The following YARS1 variants were observed in gnomAD, a reference collection of about 807,000 sequenced individuals.
YARS1 encodes the protein tyrosyl-tRNA synthetase 1, also known as tyrosine--tRNA ligase, cytoplasmic.
Under a neutral mutation model 62.2 loss-of-function variants are expected in YARS1, and 36 were observed. The observed-to-expected ratio is 0.58, with a 90% CI of 0.44 to 0.76. The LOEUF is 0.76. Ranked by LOEUF, YARS1 falls within the 30% of genes least tolerant of loss-of-function variation. The pLI, the probability that YARS1 is intolerant of heterozygous loss-of-function variation, is 0.00. For synonymous variants in YARS1, 234 were observed against 244.9 expected (o/e 0.96, Z 0.42); for missense variants, 524 against 639.8 (o/e 0.82, Z 1.95).
chr1:32,804,166 A>T (rs1224526536), intron 4 of YARS1, among the ~76,000 whole-genome samples: 1 of 152,214 alleles, frequency 6.6e-6, no homozygotes, highest in Admixed American at 6.5e-5. Flanking sequence ...TAACAATCTG[A>T]TCTCTCTTTC....
At chr1:32,806,401 T>C in intron 4 of YARS1, 81 bp downstream of exon 4, 1 of 1,609,124 alleles carries the variant, frequency 6.2e-7, no homozygotes, top group East Asian at 2.2e-5. Flanking sequence ...CGTAGTGCAG[T>C]AAAGCAAAGT....
rs1004680963 is a variant in YARS1 at position 32,797,920 on chromosome 1, G to A, written c.511-77C>T. On this transcript the variant is annotated intron_variant, in intron 4 of 12. Coordinates refer to ENST00000373477, the MANE Select transcript of YARS1 (RefSeq NM_003680.4). ...GAGTCTCGCTCTGTCGCCCAGGCTGGAGTGCTGTGGCGTGATCTCGGCTCA... is the reference window on the plus strand; with the variant it reads ...GAGTCTCGCTCTGTCGCCCAGGCTGAAGTGCTGTGGCGTGATCTCGGCTCA... 9.2e-6 allele frequency: 12 copies of A among 1,310,946 alleles called. No homozygotes were observed. The African/African-American group carries it at 1.2e-4, about 13-fold the overall frequency. 81.2% of individuals were successfully genotyped at this position (1,310,946 alleles called of 1,614,324 possible).
At chr1:32,801,840 C>T (rs1389983874) in intron 4 of YARS1, among the ~76,000 whole-genome samples, 1 of 152,138 alleles carries the variant, frequency 6.6e-6, no homozygotes, top group South Asian at 2.1e-4. Context: ...CTTTGCTCAT[C>T]CATAAGAAGC....
chr1:32,784,215 A>G (rs1255193134), intron 8 of YARS1, among the ~76,000 whole-genome samples: 4 of 147,176 alleles, frequency 2.7e-5, no homozygotes, highest in Non-Finnish European at 4.5e-5. Flanking sequence ...GAGTCTCACT[A>G]TGTTGCCTAG....
intron 6 of YARS1, among the ~76,000 whole-genome samples, chr1:32,787,433 A>G (rs945754096): frequency 6.6e-6 from 1 of 152,150 alleles, no homozygotes; most frequent in Non-Finnish European, 1.5e-5. Flanking sequence ...CTCGCTAAAA[A>G]AATTCTTTTT....
chr1:32,812,389 T>C (rs1319670981), intron 1 of YARS1, among the ~76,000 whole-genome samples: 3 of 152,220 alleles, frequency 2.0e-5, no homozygotes, highest in Non-Finnish European at 4.4e-5. Context: ...ACAAACTCTC[T>C]GTAGCAATAA....
intron 5 of YARS1, among the ~76,000 whole-genome samples, chr1:32,794,094 A>T (rs752164596): frequency 3.2e-4 from 49 of 152,250 alleles, no homozygotes; most frequent in Non-Finnish European, 6.2e-4. Flanking sequence ...TTACGCCTGT[A>T]ATCCCAGAAC....
In YARS1 at chr1:32,776,233, T is replaced by C; in HGVS notation, c.1477-142A>G. 3 of 731,168 alleles carry C rather than the reference T, an allele frequency of 4.1e-6. No homozygotes were observed. In the South Asian group the frequency reaches 4.5e-5, roughly 11 times the overall value. 45.3% of individuals were successfully genotyped at this position (731,168 alleles called of 1,614,324 possible). A position where few individuals can be genotyped will look rare whatever the true frequency, so the allele number is the denominator to read the frequency against. On this transcript the variant is annotated intron_variant, in intron 12 of 12. Coordinates refer to ENST00000373477, the MANE Select transcript of YARS1 (RefSeq NM_003680.4). The surrounding 1 kb of genome is among the most constrained non-coding windows in gnomAD (Gnocchi z 4.0). ...CGTGATCTTGGCTCACCGCAACCTC[T>C]GCCTCCCAGGTTCAAGCGATTCTCC...
At chr1:32,784,928 A>G (rs1653171927) in intron 8 of YARS1, among the ~76,000 whole-genome samples, 1 of 152,180 alleles carries the variant, frequency 6.6e-6, no homozygotes, top group Non-Finnish European at 1.5e-5. Flanking sequence ...TGTTGAAATG[A>G]ATAGGAGCCT....
At chr1:32,783,972 T>C (rs1653139378) in intron 8 of YARS1, among the ~76,000 whole-genome samples, 1 of 152,000 alleles carries the variant, frequency 6.6e-6, no homozygotes, top group African/African-American at 2.4e-5. Context: ...ACCTTTTTTC[T>C]GAGGAATTTC....
At chr1:32,795,032 G>C (rs1408228423) in intron 5 of YARS1, among the ~76,000 whole-genome samples, 1 of 132,100 alleles carries the variant, frequency 7.6e-6, no homozygotes, top group African/African-American at 2.8e-5. Flanking sequence ...AAAAAAAGAT[G>C]AGTTTTGCCA....
At position 32,797,836 on chromosome 1, in the gene YARS1, T is replaced by C; in HGVS notation, c.518A>G (p.Asp173Gly). Residue 173 changes from aspartate (D) to glycine (G), a missense_variant, in exon 5 of 13, where the codon GAT becomes GGT. By Grantham distance (94) the Asp-to-Gly change is moderately conservative (BLOSUM62 -1). Transcript: ENST00000373477. ...GLLYPGLQAL[D>G]EEYLKVDAQF... ...GGCATCTACTTTTAAATACTCTTCA[T>C]CCAAAGCCTGTGGAAAGAAACACAT... is the stretch of plus-strand genomic sequence containing the variant. 4 of 1,613,938 alleles carry C rather than the reference T, an allele frequency of 2.5e-6. No homozygotes were observed. Among genetic ancestry groups the C allele is most frequent in the Non-Finnish European group, 3.4e-6 (4 of 1,179,880 alleles).
intron 3 of YARS1, 53 bp from the exon 4 acceptor site, chr1:32,806,664 T>C: frequency 6.2e-7 from 1 of 1,613,106 alleles, no homozygotes; most frequent in African/African-American, 1.3e-5. Context: ...AGGCCTCAGT[T>C]TCCTAGGAAA....
chr1:32,787,018 C>T lies in YARS1; in HGVS notation c.742G>A (p.Ala248Thr). ...TCCACATTTCCTGGCTCACAGAAGG[C>T]CTTCTTCAGTTTTTTCTTCACATCC... Reference protein sequence around the residue: ...KEDVKKKLKKAFCEPGNVENN... With the variant: ...KEDVKKKLKKTFCEPGNVENN... Residue 248 changes from alanine to threonine, a missense_variant, in exon 7 of 13, where the codon GCC becomes ACC. Transcript: ENST00000373477. 1 of 1,614,184 alleles carries T rather than the reference C, an allele frequency of 6.2e-7. No individual in the cohort carries two copies. Among genetic ancestry groups the T allele is most frequent in the Non-Finnish European group, 8.5e-7 (1 of 1,180,038 alleles).
In YARS1 at chr1:32,797,923, T is replaced by C. The variant is rs543467413; in HGVS notation, c.511-80A>G. 7.2e-6 allele frequency: 9 copies of C among 1,256,056 alleles called. No individual in the cohort carries two copies. In the Admixed American group the frequency reaches 1.4e-4, roughly 20 times the overall value. The allele number at this position is 1,256,056 out of a possible 1,614,324, so 77.8% of individuals were successfully genotyped here. Reference sequence around the variant, plus strand: ...TCTCGCTCTGTCGCCCAGGCTGGAGTGCTGTGGCGTGATCTCGGCTCACTG... The same window carrying C: ...TCTCGCTCTGTCGCCCAGGCTGGAGCGCTGTGGCGTGATCTCGGCTCACTG... On this transcript the variant is annotated intron_variant, in intron 4 of 12. Coordinates refer to ENST00000373477, the MANE Select transcript of YARS1 (RefSeq NM_003680.4).
intron 10 of YARS1, 142 bp from the exon 11 acceptor site, chr1:32,780,420 TC>T: frequency 1.1e-6 from 1 of 913,980 alleles, no homozygotes; most frequent in Non-Finnish European, 1.7e-6. Flanking sequence ...TCTTTCCACG[TC>T]CCAGACAGCA....
At chr1:32,816,027 T>C (rs1638715623) in intron 1 of YARS1, among the ~76,000 whole-genome samples, 1 of 144,512 alleles carries the variant, frequency 6.9e-6, no homozygotes, top group African/African-American at 2.6e-5. Flanking sequence ...GAGAATGGCG[T>C]GAACCTGGGA....
At chr1:32,790,859 G>C (rs1390813081) in intron 6 of YARS1, 3 of 356,024 alleles carry the variant, frequency 8.4e-6, no homozygotes, top group Non-Finnish European at 1.6e-5. Context: ...GCTAATTAGT[G>C]AAATGCAACC....
chr1:32,779,588 A>G, intron 11 of YARS1, 65 bp from the exon 12 acceptor site: 2 of 1,610,084 alleles, frequency 1.2e-6, no homozygotes, highest in Non-Finnish European at 1.7e-6. Flanking sequence ...GTGGAGGCCA[A>G]AGCAATCCGG....
Sources: allele counts gnomAD v4.1 joint callset (sites outside exome capture counted in the v4.1 genomes callset), GRCh38; gene constraint gnomAD v4.1.1; non-coding constraint Gnocchi (gnomAD v3.1); transcripts MANE v1.5; gene names NCBI Gene and HGNC (gene_info 2026-07-23, HGNC 2026-07-21).